Variants in CACNG8 observed in about 807,000 individuals in gnomAD.
The protein encoded by CACNG8 is voltage-dependent calcium channel gamma-8 subunit.
A neutral mutation model predicts 26.9 loss-of-function variants in CACNG8; 5 were observed. The ratio of observed to expected loss-of-function variants is 0.19; its 90% CI spans 0.10 to 0.39. CACNG8 has a LOEUF of 0.39. Among genes scored for constraint, CACNG8 ranks in the 10% least tolerant of loss-of-function variants. The pLI is 1.00. For synonymous variants in CACNG8, 321 were observed against 296.7 expected (o/e 1.08, Z -0.84); for missense variants, 473 against 609.4 (o/e 0.78, Z 2.36).
At chr19:53,967,381 C>T (rs2069277319) in intron 1 of CACNG8, among the ~76,000 whole-genome samples, 1 of 152,162 alleles carries the variant, frequency 6.6e-6, no homozygotes, top group Admixed American at 6.5e-5. Flanking sequence ...CAGATAACAT[C>T]TGGACAGAGG....
rs1252825575 is a variant in CACNG8, at chr19:53,982,723, C to T, written c.1152C>T (p.Val384=). ...CGGGCGGCGGCGTCACGGTCACGGT[C>T]ACCGGGCCGCCCGCCCCGCCCGCGC... The change falls in exon 4 of 4, where the codon GTC becomes GTT. Residue 384 remains valine (V), a synonymous_variant. Transcript: ENST00000270458. This position sits in a 1 kb window ranked among gnomAD's most constrained non-coding sequence, Gnocchi z 8.4. The T allele has an allele frequency of 2.1e-5, 25 of 1,177,348 alleles. No homozygotes were observed. Among genetic ancestry groups the T allele is most frequent in the Non-Finnish European group, 2.6e-5 (25 of 958,996 alleles). The allele number at this position is 1,177,348 out of a possible 1,614,324, so 72.9% of individuals were successfully genotyped here. A position where few individuals can be genotyped will look rare whatever the true frequency, so the allele number is the denominator to read the frequency against.
intron 1 of CACNG8, among the ~76,000 whole-genome samples, chr19:53,969,515 C>A (rs1437152093): frequency 1.3e-5 from 2 of 151,880 alleles, no homozygotes; most frequent in Non-Finnish European, 2.9e-5. Flanking sequence ...CACCCCCGGC[C>A]TCTCAACGCA....
At position 53,970,931 on chromosome 19, in the gene CACNG8, C is replaced by CAAAAAA. The variant is rs34478690; in HGVS notation, c.284-7205_284-7200dup. 8.3e-5 allele frequency among the ~76,000 whole-genome samples: 8 copies of CAAAAAA among 96,562 alleles called. No individual in the cohort carries two copies. In the South Asian group the frequency reaches 9.8e-4, roughly 12 times the overall value. The allele number at this position is 96,562 out of a possible 152,430, so 63.3% of individuals were successfully genotyped here. ...TGGGTGATAGAGCAAGACCCTATCT[C>CAAAAAA]AAAAAAAAAAAAAAAGAAAAGAAAA... On this transcript the variant is annotated intron_variant, in intron 1 of 3. Transcript: ENST00000270458.
rs757136397 is a variant in CACNG8 at position 53,982,135 on chromosome 19, G to C, written c.564G>C (p.Pro188=). 1.2e-6 allele frequency: 2 copies of C among 1,610,726 alleles called. No individual in the cohort carries two copies. The highest frequency in any genetic ancestry group is 2.2e-5 in the South Asian group (2 of 90,614). ...ACATCTCCGCCAACGCGGGCGAGCC[G>C]GGCCCGAAGCGGGACGAGGAGAAGA... The change falls in exon 4 of 4, where the codon CCG becomes CCC. Residue 188 remains proline (P), a synonymous_variant. Transcript: ENST00000270458. This position sits in a 1 kb window ranked among gnomAD's most constrained non-coding sequence, Gnocchi z 8.4.
chr19:53,979,796 G>C (rs1004348122), intron 2 of CACNG8, 71 bp from the exon 3 acceptor site: 1 of 1,483,762 alleles, frequency 6.7e-7, no homozygotes. Context: ...GGGGGGCCGG[G>C]AAGGGGGCGC....
intron 1 of CACNG8, among the ~76,000 whole-genome samples, chr19:53,975,558 TTA>T (rs1194351709): frequency 6.6e-6 from 1 of 152,094 alleles, no homozygotes; most frequent in Non-Finnish European, 1.5e-5. Flanking sequence ...TTTTGTATTT[TTA>T]GTAGTGATGG....
rs2069410667 is a variant in CACNG8 at position 53,986,834 on chromosome 19, A to T, written c.*3985A>T. ...TGTGAGTAGGAAAGAGAGGTGAGAA[A>T]GTCTGGGGGCCAGGCATTCCACCCA... On this transcript the variant is annotated 3_prime_UTR_variant, in exon 4 of 4. Transcript: ENST00000270458. 1 of 152,286 alleles carries T rather than the reference A, an allele frequency of 6.6e-6. No homozygotes were observed. The highest frequency in any genetic ancestry group is 2.1e-4 in the South Asian group (1 of 4,826). The allele number at this position is 152,286 out of a possible 1,614,324, so 9.4% of individuals were successfully genotyped here.
chr19:53,979,963 A>G lies in CACNG8; in HGVS notation c.464A>G (p.Lys155Arg). 1.9e-6 allele frequency: 3 copies of G among 1,612,908 alleles called. No homozygotes were observed. The highest frequency in any genetic ancestry group is 2.5e-6 in the Non-Finnish European group (3 of 1,179,516). Residue 155 changes from lysine (K) to arginine (R), a missense_variant, in exon 3 of 4, where the codon AAG (lysine) becomes AGG (arginine). Coordinates refer to ENST00000270458, the MANE Select transcript of CACNG8 (RefSeq NM_031895.6). Reference sequence around the variant, plus strand: ...GCGGCCTCCCGCGTCTACAAGTCCAAGAGGAACATCATTCTGGGCGCAGGG... The same window carrying G: ...GCGGCCTCCCGCGTCTACAAGTCCAGGAGGAACATCATTCTGGGCGCAGGG...
intron 2 of CACNG8, among the ~76,000 whole-genome samples, chr19:53,979,395 T>G (rs1568801320): frequency 2.0e-5 from 3 of 148,062 alleles, no homozygotes; most frequent in Admixed American, 6.8e-5. Flanking sequence ...GGAAGGAATG[T>G]AGAGAGAGAG....
chr19:53,982,825 C>G lies in CACNG8; in HGVS notation c.1254C>G (p.Leu418=). Residue 418 remains leucine, a synonymous_variant, in exon 4 of 4, where the codon CTC becomes CTG. Coordinates refer to ENST00000270458, the MANE Select transcript of CACNG8 (RefSeq NM_031895.6). The surrounding 1 kb of genome is among the most constrained non-coding windows in gnomAD (Gnocchi z 8.4). ...CCGCCGCCTCCAACACCAACACGCT[C>G]AACAGGAAAACCACGCCTGTGTAGG... is the stretch of plus-strand genomic sequence containing the variant. 1 of 1,375,704 alleles carries G rather than the reference C, an allele frequency of 7.3e-7. No homozygotes were observed. The highest frequency in any genetic ancestry group is 9.4e-7 in the Non-Finnish European group (1 of 1,058,464). The allele number at this position is 1,375,704 out of a possible 1,614,324, so 85.2% of individuals were successfully genotyped here.
chr19:53,966,448 T>C (rs1420497869), intron 1 of CACNG8, among the ~76,000 whole-genome samples: 2 of 152,188 alleles, frequency 1.3e-5, no homozygotes, highest in Non-Finnish European at 2.9e-5. Context: ...GGTTTTGCTC[T>C]GTCACCCAGG....
At chr19:53,978,008 G>A (rs1600033460) in intron 1 of CACNG8, 138 bp from the exon 2 acceptor site, 1 of 614,150 alleles carries the variant, frequency 1.6e-6, no homozygotes, top group Non-Finnish European at 3.0e-6. Flanking sequence ...GTCGGGCTCA[G>A]GAGCCAGGAC....
chr19:53,969,419 T>C (rs1293202614), intron 1 of CACNG8, among the ~76,000 whole-genome samples: 1 of 150,172 alleles, frequency 6.7e-6, no homozygotes, highest in East Asian at 1.9e-4. Context: ...TGTTTCTGAT[T>C]TGTTTACTTT....
chr19:53,982,653 G>A lies in CACNG8; in HGVS notation c.1082G>A (p.Gly361Glu). The change falls in exon 4 of 4, where the codon GGG becomes GAG. Residue 361 changes from glycine (G) to glutamate (E), a missense_variant. Around this residue, in one of 6 missense-constraint regions of CACNG8, gnomAD observed 212 missense variants for 214.4 expected, o/e 0.99. Coordinates refer to ENST00000270458, the MANE Select transcript of CACNG8 (RefSeq NM_031895.6). This position sits in a 1 kb window ranked among gnomAD's most constrained non-coding sequence, Gnocchi z 8.4. ...GCGGGTGCCGAGCGGGACCGCGGGGGGGCGTCCGGCTTCCTCACGCTGCAC... is the reference window on the plus strand; with the variant it reads ...GCGGGTGCCGAGCGGGACCGCGGGGAGGCGTCCGGCTTCCTCACGCTGCAC... The A allele has an allele frequency of 1.9e-6, 2 of 1,064,790 alleles. No homozygotes were observed. Among genetic ancestry groups the A allele is most frequent in the Non-Finnish European group, 2.3e-6 (2 of 883,002 alleles). 66.0% of individuals were successfully genotyped at this position (1,064,790 alleles called of 1,614,324 possible). A position where few individuals can be genotyped will look rare whatever the true frequency, so the allele number is the denominator to read the frequency against.
intron 1 of CACNG8, among the ~76,000 whole-genome samples, chr19:53,975,541 G>A (rs1002046349): frequency 2.6e-5 from 4 of 151,798 alleles, no homozygotes; most frequent in Non-Finnish European, 4.4e-5. Flanking sequence ...CCCCACACCC[G>A]GCTAACTTTT....
intron 1 of CACNG8, among the ~76,000 whole-genome samples, chr19:53,974,336 ATGT>A (rs1485840918): frequency 2.0e-5 from 3 of 152,158 alleles, no homozygotes; most frequent in Admixed American, 1.3e-4. Flanking sequence ...TACATAGCAC[ATGT>A]TGTTTATCCT....
chr19:53,970,711 T>C (rs1016290228), intron 1 of CACNG8, among the ~76,000 whole-genome samples: 4 of 151,510 alleles, frequency 2.6e-5, no homozygotes, highest in African/African-American at 9.7e-5. Context: ...GGTGAGAGGA[T>C]TGCTTGAGTC....
At position 53,973,512 on chromosome 19, in the gene CACNG8, G is replaced by A. The variant is rs1432560384; in HGVS notation, c.284-4634G>A. On this transcript the variant is annotated intron_variant, in intron 1 of 3. Transcript: ENST00000270458. The stretch of plus-strand genomic sequence containing the variant: ...CACTCCAGCCTGGGAAACAGAGTGA[G>A]ACTCTATCTCTTAAAAAAAATAAAT... Among the ~76,000 whole-genome samples, 6 of 151,710 alleles carry A rather than the reference G, an allele frequency of 4.0e-5. No individual in the cohort carries two copies. In the South Asian group the frequency reaches 8.3e-4, roughly 21 times the overall value.
Position 53,963,166 on chromosome 19 carries a change from C to G in CACNG8, c.24C>G (p.Asn8Lys). The G allele has an allele frequency of 6.4e-7, 1 of 1,552,498 alleles. No individual in the cohort carries two copies. The change falls in exon 1 of 4, where the codon AAC (asparagine) becomes AAG (lysine). Residue 8 changes from asparagine (N) to lysine (K), a missense_variant. By Grantham distance (94) the Asn-to-Lys change is moderately conservative. This residue lies in a region of CACNG8 where 26 missense variants were observed against 23.8 expected (regional missense o/e 1.09). Transcript: ENST00000270458. Reference sequence around the variant, plus strand: ...AACTGGAGTCGCTGAAGCGCTGGAACGAAGAGCGGGGCCTCTGGTGCGAGA... The same window carrying G: ...AACTGGAGTCGCTGAAGCGCTGGAAGGAAGAGCGGGGCCTCTGGTGCGAGA...
Sources: gnomAD v4.1 joint callset for allele counts (sites outside exome capture counted in the v4.1 genomes callset) on GRCh38, gnomAD v4.1.1 for gene constraint, gnomAD v4.1.1 regional missense constraint, Gnocchi (gnomAD v3.1) non-coding constraint, MANE v1.5 for transcripts, NCBI Gene and HGNC (gene_info 2026-07-23, HGNC 2026-07-21) for gene names.